LTBP4: variants seen among roughly 807,000 people sequenced by gnomAD.
LTBP4 encodes latent-transforming growth factor beta-binding protein 4.
LTBP4 carries 93 observed loss-of-function variants against 180.2 expected under a neutral mutation model. That is an observed-to-expected ratio of 0.52 (90% CI 0.44 to 0.61). LTBP4 has a LOEUF of 0.61. LTBP4 is among the 20% of genes least tolerant of loss of function. The probability of loss-of-function intolerance (pLI) is 0.00; values close to 1 mark genes in which losing one functional copy is unlikely to be tolerated. For missense variants in LTBP4, 2,116 were observed against 2,256.5 expected, an observed-to-expected ratio of 0.94 and a Z score of 1.26; for synonymous variants, 947 against 934.5, an observed-to-expected ratio of 1.01 and a Z score of -0.24.
intron 27 of LTBP4, 119 bp from the exon 28 acceptor site, chr19:40,626,856 C>G (rs1298242256): frequency 1.7e-5 from 22 of 1,290,656 alleles, no homozygotes; most frequent in Non-Finnish European, 2.2e-5. Flanking sequence ...TCCAGAAACC[C>G]CGGGGCCACC....
intron 1 of LTBP4, among the ~76,000 whole-genome samples, chr19:40,594,366 G>A (rs989664855): frequency 5.3e-5 from 8 of 151,928 alleles, no homozygotes; most frequent in African/African-American, 1.9e-4. Context: ...GATCCTGGGA[G>A]ATAGTGACAC....
chr19:40,613,329 G>C lies in LTBP4; in HGVS notation c.2432-75G>C. 1 of 1,558,324 alleles carries C rather than the reference G, an allele frequency of 6.4e-7. No homozygotes were observed. Among genetic ancestry groups the C allele is most frequent in the Non-Finnish European group, 8.7e-7 (1 of 1,152,290 alleles). ...AGAAACCTGGCATTGGTGGGGGCGG[G>C]GTTACTGCGATGTGGGCGGAGCTTG... On this transcript the variant is annotated intron_variant, in intron 16 of 29. Coordinates refer to ENST00000396819, the MANE Select transcript of LTBP4 (RefSeq NM_001042545.2). The surrounding 1 kb of genome is among the most constrained non-coding windows in gnomAD (Gnocchi z 5.0).
intron 11 of LTBP4, chr19:40,610,135 C>T: frequency 1.9e-6 from 1 of 525,988 alleles, no homozygotes; most frequent in Non-Finnish European, 3.3e-6. Context: ...CACGCCCAGG[C>T]CCCGCCCTTA....
chr19:40,625,285 TATATATATATATATATATA>T (rs2081620842), intron 26 of LTBP4, among the ~76,000 whole-genome samples: 1 of 9,264 alleles, frequency 1.1e-4, no homozygotes, highest in African/African-American at 1.4e-3. Context: ...TATATATATA[TATATATATATATATATATA>T]TATATATATA....
intron 6 of LTBP4, 99 bp downstream of exon 6, chr19:40,606,625 A>T: frequency 6.9e-7 from 1 of 1,441,808 alleles, no homozygotes; most frequent in Non-Finnish European, 9.3e-7. Flanking sequence ...ACCCCCCCAG[A>T]CTCCCGGGTT....
At chr19:40,596,343 G>T (rs998023262) in intron 1 of LTBP4, among the ~76,000 whole-genome samples, 8 of 152,172 alleles carry the variant, frequency 5.3e-5, no homozygotes, top group African/African-American at 1.9e-4. Flanking sequence ...ACAGGCCCGC[G>T]CCAGGGCACC....
At position 40,627,268 on chromosome 19, in the gene LTBP4, C is replaced by T; in HGVS notation, c.4279C>T (p.Pro1427Ser). 3.8e-6 allele frequency: 6 copies of T among 1,561,634 alleles called. No individual in the cohort carries two copies. The highest frequency in any genetic ancestry group is 4.7e-5 in the East Asian group (2 of 42,456). The change falls in exon 28 of 30, where the codon CCG becomes TCG. Residue 1427 changes from proline (P) to serine (S), a missense_variant. Transcript: ENST00000396819. The stretch of plus-strand genomic sequence containing the variant: ...ATCTGAGGCTCCTGCGCCACCTGGC[C>T]CGGGCACCCGCTGGCCCTATCGGTC... ...GESEAPAPPG[P>S]GTRWPYRSRD... is the part of the protein sequence containing the mutation.
Position 40,605,440 on chromosome 19 carries a change from C to A in LTBP4, c.478C>A (p.Pro160Thr), listed in dbSNP as rs779972772. Residue 160 changes from proline to threonine, a missense_variant, in exon 3 of 30, where the codon CCG (proline) becomes ACG (threonine). Pro to Thr is a conservative substitution (Grantham distance 38). Coordinates refer to ENST00000396819, the MANE Select transcript of LTBP4 (RefSeq NM_001042545.2). The surrounding 1 kb of genome is among the most constrained non-coding windows in gnomAD (Gnocchi z 5.5). ...ASMVSVHVEH[P>T]QEASVVVHQV... ...TATGGTGAGCGTCCACGTGGAGCACCCGCAGGAGGCGTCGGTGGTGGTGCA... is the reference window on the plus strand; with the variant it reads ...TATGGTGAGCGTCCACGTGGAGCACACGCAGGAGGCGTCGGTGGTGGTGCA... 1 of 1,612,862 alleles carries A rather than the reference C, an allele frequency of 6.2e-7. No individual in the cohort carries two copies. The highest frequency in any genetic ancestry group is 8.5e-7 in the Non-Finnish European group (1 of 1,179,868).
chr19:40,597,281 T>C, upstream of LTBP4: 3 of 1,522,070 alleles, frequency 2.0e-6, no homozygotes, highest in Non-Finnish European at 2.6e-6. Flanking sequence ...CTGCTGGTGC[T>C]GTTGCTGCCG....
rs762667064 is a variant in LTBP4, at chr19:40,612,098, C to T, written c.2205C>T (p.Leu735=). 8.7e-6 allele frequency: 14 copies of T among 1,613,548 alleles called. No homozygotes were observed. In the Middle Eastern group the frequency reaches 6.6e-4, roughly 76 times the overall value. Residue 735 remains leucine (L), a synonymous_variant, in exon 15 of 30, where the codon CTC becomes CTT. Transcript: ENST00000396819. Reference sequence around the variant, plus strand: ...ATGTGGATGAGTGTGAGAACCACCTCGCATGCCCTGGGCAGGAGTGTGTGA... The same window carrying T: ...ATGTGGATGAGTGTGAGAACCACCTTGCATGCCCTGGGCAGGAGTGTGTGA... ...CEDVDECENH[L]ACPGQECVNS... is the part of the protein sequence containing the mutation.
rs1201142981 is a variant in LTBP4, at chr19:40,605,765, G to A, written c.727G>A (p.Val243Ile). Reference sequence around the variant, plus strand: ...GCTGCCCGGGCTCCGGACGCAGGAGGTCTGCTGCCGAGGGGCCGGCTTGGC... The same window carrying A: ...GCTGCCCGGGCTCCGGACGCAGGAGATCTGCTGCCGAGGGGCCGGCTTGGC... ...SPLPGLRTQE[V>I]CCRGAGLAWG... Residue 243 changes from valine to isoleucine, a missense_variant, in exon 4 of 30, where the codon GTC (valine) becomes ATC (isoleucine). By Grantham distance (29) the Val-to-Ile change is conservative (BLOSUM62 3). Around this residue, in one of 5 missense-constraint regions of LTBP4, gnomAD observed 469 missense variants for 532.5 expected, o/e 0.88. Coordinates refer to ENST00000396819, the MANE Select transcript of LTBP4 (RefSeq NM_001042545.2). The surrounding 1 kb of genome is among the most constrained non-coding windows in gnomAD (Gnocchi z 5.5). The A allele has an allele frequency of 1.3e-6, 2 of 1,543,532 alleles. No individual in the cohort carries two copies. Among genetic ancestry groups the A allele is most frequent in the East Asian group, 2.4e-5 (1 of 40,922 alleles).
Position 40,609,190 on chromosome 19 carries a change from G to A in LTBP4, c.1427-340G>A, listed in dbSNP as rs73544968. On this transcript the variant is annotated intron_variant, in intron 9 of 29. Coordinates refer to ENST00000396819, the MANE Select transcript of LTBP4 (RefSeq NM_001042545.2). The surrounding 1 kb of genome is among the most constrained non-coding windows in gnomAD (Gnocchi z 4.9). ...CTGAAGTGTCTGACACCTAGTAAGTGCTCAGATAAATACTTATGGTAGATA... is the reference window on the plus strand; with the variant it reads ...CTGAAGTGTCTGACACCTAGTAAGTACTCAGATAAATACTTATGGTAGATA... Among the ~76,000 whole-genome samples, 883 of 152,214 alleles carry A rather than the reference G, an allele frequency of 5.8e-3. 16 individuals are homozygous for A. Among genetic ancestry groups the A allele is most frequent in the African/African-American group, 0.019 (791 of 41,516 alleles).
chr19:40,623,897 AG>A, intron 25 of LTBP4, 38 bp from the exon 26 acceptor site: 1 of 1,610,292 alleles, frequency 6.2e-7, no homozygotes, highest in East Asian at 2.2e-5. Flanking sequence ...AAGGGTGGGG[AG>A]AGTTGAAGGG....
chr19:40,624,812 G>A (rs989720052), intron 26 of LTBP4, among the ~76,000 whole-genome samples: 1 of 151,438 alleles, frequency 6.6e-6, no homozygotes, highest in African/African-American at 2.4e-5. Context: ...TGCATCTCTA[G>A]GTCTCTGTCT....
chr19:40,614,031 C>A lies in LTBP4; in HGVS notation c.2673C>A (p.Ser891=), dbSNP rs1378176754. 2.5e-6 allele frequency: 4 copies of A among 1,612,652 alleles called. No homozygotes were observed. Among genetic ancestry groups the A allele is most frequent in the Non-Finnish European group, 3.4e-6 (4 of 1,179,738 alleles). ...ACCGCGCTGGCCCGGACCTCGCCTC[C>A]TGCCTCGGTGAGAGGCCCCGCCCCG... ...PGHRAGPDLA[S]CLDVDECRER... The change falls in exon 18 of 30, where the codon TCC becomes TCA. Residue 891 remains serine, a synonymous_variant. Transcript: ENST00000396819.
chr19:40,606,675 T>A, intron 6 of LTBP4, 149 bp downstream of exon 6: 2 of 972,402 alleles, frequency 2.1e-6, no homozygotes, highest in Non-Finnish European at 3.0e-6. Context: ...CTTCTCAGAT[T>A]CTTATACAGC....
At position 40,622,353 on chromosome 19, in the gene LTBP4, G is replaced by T; in HGVS notation, c.3218-48G>T. The T allele has an allele frequency of 2.1e-6, 3 of 1,458,486 alleles. No homozygotes were observed. Among genetic ancestry groups the T allele is most frequent in the Non-Finnish European group, 2.7e-6 (3 of 1,096,486 alleles). 90.3% of individuals were successfully genotyped at this position (1,458,486 alleles called of 1,614,324 possible). A position where few individuals can be genotyped will look rare whatever the true frequency, so the allele number is the denominator to read the frequency against. On this transcript the variant is annotated intron_variant, in intron 22 of 29. Coordinates refer to ENST00000396819, the MANE Select transcript of LTBP4 (RefSeq NM_001042545.2). The surrounding 1 kb of genome is among the most constrained non-coding windows in gnomAD (Gnocchi z 5.1). ...AGTTTCCCCATCTATGATAGTGGCG[G>T]GGCTGGGGATTCAGCCCACACTGGG...
chr19:40,625,287 TATATATATATATATATATA>T (rs2081621401), intron 26 of LTBP4, among the ~76,000 whole-genome samples: 2 of 9,706 alleles, frequency 2.1e-4, no homozygotes, highest in African/African-American at 2.8e-3. Flanking sequence ...TATATATATA[TATATATATATATATATATA>T]TATATATATA....
At position 40,625,248 on chromosome 19, in the gene LTBP4, GTATTTATATATATATATA is replaced by G. The variant is rs1568414175; in HGVS notation, c.3833-605_3833-588del. Reference sequence around the variant, plus strand: ...CCGCCACCAAGCCTGGCTAATTTTTGTATTTATATATATATATATATATATATATATATATATATATAT... The same window carrying G: ...CCGCCACCAAGCCTGGCTAATTTTTGTATATATATATATATATATATATAT... On this transcript the variant is annotated intron_variant, in intron 26 of 29. Coordinates refer to ENST00000396819, the MANE Select transcript of LTBP4 (RefSeq NM_001042545.2). Among the ~76,000 whole-genome samples, 349 of 58,706 alleles carry G rather than the reference GTATTTATATATATATATA, an allele frequency of 5.9e-3. 39 individuals are homozygous for G. Among genetic ancestry groups the G allele is most frequent in the Middle Eastern group, 8.3e-3 (1 of 120 alleles). The allele number at this position is 58,706 out of a possible 152,430, so 38.5% of individuals were successfully genotyped here. A position where few individuals can be genotyped will look rare whatever the true frequency, so the allele number is the denominator to read the frequency against.
Sources: allele counts gnomAD v4.1 joint callset (sites outside exome capture counted in the v4.1 genomes callset), GRCh38; gene constraint gnomAD v4.1.1; regional missense constraint gnomAD v4.1.1; non-coding constraint Gnocchi (gnomAD v3.1); transcripts MANE v1.5; gene names NCBI Gene and HGNC (gene_info 2026-07-23, HGNC 2026-07-21).